GRIA4: variants seen among roughly 807,000 people sequenced by gnomAD.
GRIA4 encodes glutamate ionotropic receptor AMPA type subunit 4, also known as glutamate receptor 4.
In GRIA4, 34 loss-of-function variants were observed where a neutral mutation model predicts 104.0. That is an observed-to-expected ratio of 0.33 (90% confidence interval 0.25 to 0.44). The LOEUF (loss-of-function observed/expected upper bound fraction) is 0.44, where lower values mean the gene tolerates loss of function less well. Ranked by LOEUF, GRIA4 falls within the 20% of genes least tolerant of loss-of-function variation. The probability of loss-of-function intolerance (pLI) is 1.00; values close to 1 mark genes in which losing one functional copy is unlikely to be tolerated. For missense variants in GRIA4, 750 were observed against 1,096.5 expected (o/e 0.68, Z 4.46); for synonymous variants, 386 against 381.9 (o/e 1.01, Z -0.13).
intron 3 of GRIA4, among the ~76,000 whole-genome samples, chr11:105,693,830 T>C (rs1185406583): frequency 6.6e-6 from 1 of 152,170 alleles, no homozygotes; most frequent in East Asian, 1.9e-4. Context: ...GTTTTTCTAG[T>C]TTTATTGGAA....
intron 4 of GRIA4, among the ~76,000 whole-genome samples, chr11:105,763,461 T>G (rs1940766367): frequency 6.6e-6 from 1 of 152,186 alleles, no homozygotes; most frequent in Admixed American, 6.5e-5. Flanking sequence ...TATGGCAGAA[T>G]AGAAAGGATC....
At chr11:105,619,674 T>G (rs1169648734) in intron 3 of GRIA4, among the ~76,000 whole-genome samples, 1 of 152,000 alleles carries the variant, frequency 6.6e-6, no homozygotes, top group African/African-American at 2.4e-5. Flanking sequence ...CTCCTAATTT[T>G]ATGCAAAATT....
At chr11:105,681,242 T>C (rs2135465728) in intron 3 of GRIA4, among the ~76,000 whole-genome samples, 1 of 152,348 alleles carries the variant, frequency 6.6e-6, no homozygotes, top group East Asian at 1.9e-4. Flanking sequence ...CACTTGTTGC[T>C]AAAATTAGAG....
intron 9 of GRIA4, 139 bp downstream of exon 9, chr11:105,905,440 A>C: frequency 1.7e-6 from 1 of 586,922 alleles, no homozygotes; most frequent in Non-Finnish European, 3.0e-6. Flanking sequence ...CTTTCTTTAT[A>C]ATCAATGCTG....
chr11:105,749,366 T>C (rs1241035778), intron 3 of GRIA4, among the ~76,000 whole-genome samples: 1 of 152,184 alleles, frequency 6.6e-6, no homozygotes, highest in Admixed American at 6.5e-5. Flanking sequence ...TCAGGAAAGT[T>C]CTTTGCTTTA....
At chr11:105,671,545 G>A (rs977547216) in intron 3 of GRIA4, among the ~76,000 whole-genome samples, 5 of 151,470 alleles carry the variant, frequency 3.3e-5, no homozygotes, top group Non-Finnish European at 7.4e-5. Context: ...GGGTGTGGTG[G>A]TAGGCACCTG....
At chr11:105,638,054 C>T (rs754039258) in intron 3 of GRIA4, among the ~76,000 whole-genome samples, 6 of 151,982 alleles carry the variant, frequency 3.9e-5, no homozygotes, top group African/African-American at 1.2e-4. Flanking sequence ...ATGTTTTGTG[C>T]GTTTGAACTA....
At position 105,633,903 on chromosome 11, in the gene GRIA4, G is replaced by A. The variant is rs1319424127; in HGVS notation, c.247+21469G>A. On this transcript the variant is annotated intron_variant, in intron 3 of 16. Coordinates refer to ENST00000282499, the MANE Select transcript of GRIA4 (RefSeq NM_000829.4). ...AAACTGAGACTTTTAGAACTAACCT[G>A]GTGCTTAGTGCACTTATGTTAAAAA... Among the ~76,000 whole-genome samples, 5 of 152,198 alleles carry A rather than the reference G, an allele frequency of 3.3e-5. No individual in the cohort carries two copies. In the East Asian group the frequency reaches 9.7e-4, roughly 29 times the overall value.
chr11:105,754,519 A>G (rs564190760), intron 4 of GRIA4, among the ~76,000 whole-genome samples: 11 of 152,302 alleles, frequency 7.2e-5, no homozygotes, highest in South Asian at 4.1e-4. Flanking sequence ...TGAAAGATTA[A>G]TAAGTGATCC....
rs527755881 is a variant in GRIA4 at position 105,653,705 on chromosome 11, G to A, written c.247+41271G>A. Reference sequence around the variant, plus strand: ...TTTCTGGGTAAACATAATAGGGTCAGTGCTGTGACAGAAATGTTCCCAGGA... The same window carrying A: ...TTTCTGGGTAAACATAATAGGGTCAATGCTGTGACAGAAATGTTCCCAGGA... On this transcript the variant is annotated intron_variant, in intron 3 of 16. Coordinates refer to ENST00000282499, the MANE Select transcript of GRIA4 (RefSeq NM_000829.4). 3.9e-5 allele frequency among the ~76,000 whole-genome samples: 6 copies of A among 152,112 alleles called. No homozygotes were observed. In the South Asian group the frequency reaches 1.0e-3, roughly 26 times the overall value.
intron 3 of GRIA4, among the ~76,000 whole-genome samples, chr11:105,687,407 A>T (rs905468730): frequency 1.2e-4 from 19 of 152,294 alleles, no homozygotes; most frequent in Non-Finnish European, 2.5e-4. Flanking sequence ...CAGTTATGCT[A>T]TATAGAAGGC....
chr11:105,688,834 G>A (rs188269857), intron 3 of GRIA4, among the ~76,000 whole-genome samples: 1 of 152,124 alleles, frequency 6.6e-6, no homozygotes, highest in African/African-American at 2.4e-5. Context: ...CAGATAATAC[G>A]TCATTAGGTA....
chr11:105,685,960 G>A (rs944938227), intron 3 of GRIA4, among the ~76,000 whole-genome samples: 14 of 151,502 alleles, frequency 9.2e-5, no homozygotes, highest in African/African-American at 1.7e-4. Flanking sequence ...GCAAGGATGC[G>A]GATGTTGGAG....
chr11:105,782,963 CACAA>C (rs1174888310), intron 4 of GRIA4, among the ~76,000 whole-genome samples: 2 of 152,148 alleles, frequency 1.3e-5, no homozygotes, highest in African/African-American at 4.8e-5. Context: ...TACATACACA[CACAA>C]ACAAAATAAT....
chr11:105,883,041 C>G (rs557006596), intron 5 of GRIA4, among the ~76,000 whole-genome samples: 1 of 151,976 alleles, frequency 6.6e-6, no homozygotes, highest in Non-Finnish European at 1.5e-5. Flanking sequence ...TTGACCAGCA[C>G]CATGGATATT....
In GRIA4 at chr11:105,981,281, T is replaced by C. The variant is rs1338680960; in HGVS notation, c.*1542T>C. The C allele has an allele frequency of 1.3e-5, 2 of 152,554 alleles. No individual in the cohort carries two copies. The highest frequency in any genetic ancestry group is 2.9e-5 in the Non-Finnish European group (2 of 68,020). 9.5% of individuals were successfully genotyped at this position (152,554 alleles called of 1,614,324 possible). On this transcript the variant is annotated 3_prime_UTR_variant, in exon 17 of 17. Transcript: ENST00000282499. ...TATTGGCAGAAAGCACAAGTTAGGATGATTTCAGAAGTCTGGCCTTGAAGG... is the reference window on the plus strand; with the variant it reads ...TATTGGCAGAAAGCACAAGTTAGGACGATTTCAGAAGTCTGGCCTTGAAGG...
intron 14 of GRIA4, among the ~76,000 whole-genome samples, chr11:105,969,851 T>C (rs886837617): frequency 2.0e-5 from 3 of 152,176 alleles, no homozygotes; most frequent in African/African-American, 7.2e-5. Context: ...ATAGAGCACC[T>C]ACTCTGAGTC....
intron 3 of GRIA4, among the ~76,000 whole-genome samples, chr11:105,652,366 T>C (rs1164651571): frequency 6.6e-6 from 1 of 152,210 alleles, no homozygotes; most frequent in Non-Finnish European, 1.5e-5. Context: ...AAGCTTTTTA[T>C]CTAAACTGAC....
At chr11:105,963,227 T>A (rs905054637) in intron 14 of GRIA4, among the ~76,000 whole-genome samples, 1 of 152,144 alleles carries the variant, frequency 6.6e-6, no homozygotes, top group Non-Finnish European at 1.5e-5. Flanking sequence ...AGTAATTATA[T>A]ACATATATAT....
Sources: gnomAD v4.1 joint callset for allele counts (sites outside exome capture counted in the v4.1 genomes callset) on GRCh38, gnomAD v4.1.1 for gene constraint, MANE v1.5 for transcripts, NCBI Gene and HGNC (gene_info 2026-07-23, HGNC 2026-07-21) for gene names.